PUDP: variants seen among roughly 807,000 people sequenced by gnomAD.
The protein encoded by PUDP is pseudouridine-5'-phosphatase.
In PUDP, 8 loss-of-function variants were observed where a neutral mutation model predicts 9.4. The ratio of observed to expected loss-of-function variants is 0.85; its 90% CI spans 0.50 to 1.53. PUDP has a LOEUF of 1.53. Ranked by LOEUF, PUDP falls within the 40% of genes most tolerant of loss-of-function variation. The pLI is 0.00. For synonymous variants in PUDP, 99 were observed against 80.7 expected, an observed-to-expected ratio of 1.23 and a Z score of -1.22; for missense variants, 188 against 189.7, an observed-to-expected ratio of 0.99 and a Z score of 0.05.
intron 1 of PUDP, among the ~76,000 whole-genome samples, chrX:6,991,722 G>C (rs187755249): frequency 1.8e-4 from 19 of 106,839 alleles, no homozygotes; most frequent in African/African-American, 6.4e-4. Flanking sequence ...AACCACTTAA[G>C]ATAACCTGCT....
chrX:6,751,095 T>G (rs1222774544), intron 3 of PUDP, among the ~76,000 whole-genome samples: 1 of 107,783 alleles, frequency 9.3e-6, no homozygotes, highest in Non-Finnish European at 1.9e-5. Flanking sequence ...TGAGCCAAGA[T>G]TGTGCCACTG....
chrX:6,772,753 A>T (rs1448192030), intron 3 of PUDP, among the ~76,000 whole-genome samples: 1 of 106,242 alleles, frequency 9.4e-6, no homozygotes, highest in Non-Finnish European at 1.9e-5. Flanking sequence ...CAATAAAGTG[A>T]GACCCCATCT....
intron 3 of PUDP, among the ~76,000 whole-genome samples, chrX:6,819,096 A>G (rs774829282): frequency 5.4e-4 from 60 of 111,675 alleles, no homozygotes; most frequent in Non-Finnish European, 1.1e-3. Context: ...CAGAATTTTA[A>G]TACTCAAGTG....
intron 3 of PUDP, among the ~76,000 whole-genome samples, chrX:7,065,074 T>C (rs925430512): frequency 9.0e-6 from 1 of 111,692 alleles, no homozygotes; most frequent in Non-Finnish European, 1.9e-5. Flanking sequence ...AGGTTCTATA[T>C]AAGAGACGTG....
At chrX:6,809,469 T>A (rs958845351) in intron 3 of PUDP, among the ~76,000 whole-genome samples, 6 of 108,519 alleles carry the variant, frequency 5.5e-5, no homozygotes, top group African/African-American at 1.0e-4. Flanking sequence ...ATTTATTGAT[T>A]TTTTTTTGTA....
intron 3 of PUDP, among the ~76,000 whole-genome samples, chrX:6,728,107 G>C (rs773376631): frequency 6.3e-5 from 7 of 111,303 alleles, no homozygotes; most frequent in African/African-American, 2.0e-4. Context: ...AAAGGCATGT[G>C]TTACATGGTG....
intron 3 of PUDP, among the ~76,000 whole-genome samples, chrX:6,851,876 G>T (rs1386256976): frequency 1.8e-5 from 2 of 111,870 alleles, no homozygotes; most frequent in Non-Finnish European, 3.8e-5. Context: ...ATGATGGAGT[G>T]ATACCACATC....
At chrX:6,876,891 A>ACATATAGACATATATATGTGTCTATC (rs1473539708) in intron 3 of PUDP, among the ~76,000 whole-genome samples, 6 of 109,814 alleles carry the variant, frequency 5.5e-5, no homozygotes, top group African/African-American at 1.7e-4. Flanking sequence ...AGACACATAT[A>ACATATAGACATATATATGTGTCTATC]CATATAGACA....
chrX:6,707,433 A>G (rs1225304323), intron 1 of PUDP, among the ~76,000 whole-genome samples: 3 of 112,088 alleles, frequency 2.7e-5, no homozygotes. Flanking sequence ...ATTGTAATAT[A>G]TAATGAAATA....
chrX:6,946,679 T>C (rs1050292947), intron 3 of PUDP, among the ~76,000 whole-genome samples: 1 of 110,069 alleles, frequency 9.1e-6, no homozygotes, highest in African/African-American at 3.3e-5. Context: ...GAATTATGTG[T>C]ATTATACAGA....
intron 3 of PUDP, among the ~76,000 whole-genome samples, chrX:6,791,993 G>A (rs1232876124): frequency 2.7e-5 from 3 of 111,616 alleles, no homozygotes; most frequent in Non-Finnish European, 5.6e-5. Flanking sequence ...AAATAATGGA[G>A]AGAATGTCAT....
chrX:6,805,561 G>C (rs1195958500), intron 3 of PUDP, among the ~76,000 whole-genome samples: 2 of 110,846 alleles, frequency 1.8e-5, no homozygotes, highest in Non-Finnish European at 3.8e-5. Context: ...GTCTCAGTCT[G>C]TCATTCAGGC....
At chrX:7,111,589 C>T (rs1310737746) in intron 1 of PUDP, among the ~76,000 whole-genome samples, 3 of 111,212 alleles carry the variant, frequency 2.7e-5, no homozygotes, top group African/African-American at 9.8e-5. Flanking sequence ...GGTGGTCTTT[C>T]GGGAAACCCC....
intron 3 of PUDP, among the ~76,000 whole-genome samples, chrX:6,928,828 G>A (rs1382102051): frequency 1.8e-5 from 2 of 111,221 alleles, no homozygotes; most frequent in Non-Finnish European, 3.8e-5. Flanking sequence ...AGCCGGGGAG[G>A]CGGAGGTTGC....
At chrX:6,721,503 G>A (rs895706878) in exon 1 of PUDP, 1 of 112,411 alleles carries the variant, frequency 8.9e-6, no homozygotes, top group African/African-American at 3.2e-5. Context: ...CGCCAAAGCT[G>A]AGGGCTGAAA....
At chrX:6,940,620 T>A (rs1928384896) in intron 3 of PUDP, among the ~76,000 whole-genome samples, 1 of 112,017 alleles carries the variant, frequency 8.9e-6, no homozygotes, top group African/African-American at 3.2e-5. Flanking sequence ...ATCACTCTTT[T>A]ACTCCTCACC....
At chrX:6,993,364 C>T (rs1362616665) in intron 1 of PUDP, among the ~76,000 whole-genome samples, 2 of 111,703 alleles carry the variant, frequency 1.8e-5, no homozygotes, top group Non-Finnish European at 3.8e-5. Flanking sequence ...TTATTACTTA[C>T]AGAAAGATAA....
intron 3 of PUDP, among the ~76,000 whole-genome samples, chrX:6,770,993 T>C (rs976036975): frequency 8.9e-6 from 1 of 111,899 alleles, no homozygotes; most frequent in Non-Finnish European, 1.9e-5. Flanking sequence ...AAAAGTTAAA[T>C]CATTCCAAAT....
At chrX:6,963,574 G>T (rs1299199043) in intron 3 of PUDP, among the ~76,000 whole-genome samples, 3 of 111,975 alleles carry the variant, frequency 2.7e-5, no homozygotes, top group Admixed American at 9.5e-5. Flanking sequence ...GGCATCAGAA[G>T]TGAGTAGGGG....
Sources: gnomAD v4.1 joint callset for allele counts (sites outside exome capture counted in the v4.1 genomes callset) on GRCh38, gnomAD v4.1.1 for gene constraint, MANE v1.5 for transcripts, NCBI Gene and HGNC (gene_info 2026-07-23, HGNC 2026-07-21) for gene names.